Variants in PHF8 observed in about 807,000 individuals in gnomAD.
PHF8 encodes the protein histone lysine demethylase PHF8.
In PHF8, 9 loss-of-function variants were observed where a neutral mutation model predicts 74.4. The ratio of observed to expected loss-of-function variants is 0.12; its 90% CI spans 0.07 to 0.21. PHF8 has a LOEUF of 0.21. Among genes scored for constraint, PHF8 ranks in the 10% least tolerant of loss-of-function variants. The pLI, the probability that PHF8 is intolerant of heterozygous loss-of-function variation, is 1.00. For missense variants in PHF8, 478 were observed against 816.6 expected (o/e 0.59, Z 5.05); for synonymous variants, 311 against 316.6 (o/e 0.98, Z 0.19).
rs1204615971 is a variant in PHF8, at chrX:53,967,230, C to T, written c.2444-4291G>A. Reference sequence around the variant, plus strand: ...CGCCCCTACTGGGAAGTGAGGAGCCCCTCTGCCCGGCCAGCCGCCCCGTCC... The same window carrying T: ...CGCCCCTACTGGGAAGTGAGGAGCCTCTCTGCCCGGCCAGCCGCCCCGTCC... On this transcript the variant is annotated intron_variant, in intron 18 of 21. Coordinates refer to ENST00000338154, the MANE Select transcript of PHF8 (RefSeq NM_015107.3). 3.0e-4 allele frequency among the ~76,000 whole-genome samples: 31 copies of T among 103,685 alleles called. 1 individual carries two copies. Among genetic ancestry groups the T allele is most frequent in the Admixed American group, 2.8e-3 (28 of 9,917 alleles). 90.0% of individuals were successfully genotyped at this position (103,685 alleles called of 115,157 possible).
intron 18 of PHF8, among the ~76,000 whole-genome samples, chrX:53,971,821 G>T (rs1953279519): frequency 9.0e-6 from 1 of 111,401 alleles, no homozygotes; most frequent in African/African-American, 3.3e-5. Context: ...AATGAGTTCA[G>T]AAATTGAGGC....
At chrX:53,990,647 A>T (rs1248031288) in intron 14 of PHF8, among the ~76,000 whole-genome samples, 1 of 110,489 alleles carries the variant, frequency 9.1e-6, no homozygotes, top group Non-Finnish European at 1.9e-5. Flanking sequence ...CCCTACTCTC[A>T]CTCCTTTTTC....
chrX:53,946,245 T>C (rs1240250491), intron 19 of PHF8, among the ~76,000 whole-genome samples: 1 of 112,236 alleles, frequency 8.9e-6, no homozygotes, highest in Non-Finnish European at 1.9e-5. Flanking sequence ...AGAAAAAACT[T>C]ATAATGATGA....
At chrX:53,981,078 G>C (rs1557097832) in intron 18 of PHF8, among the ~76,000 whole-genome samples, 2 of 112,301 alleles carry the variant, frequency 1.8e-5, no homozygotes, top group Non-Finnish European at 3.8e-5. Flanking sequence ...GCCAGGCGTG[G>C]TGGCGTGTGC....
At chrX:54,022,138 G>A in intron 4 of PHF8, 121 bp downstream of exon 4, 1 of 531,599 alleles carries the variant, frequency 1.9e-6, no homozygotes, top group East Asian at 3.3e-5. Flanking sequence ...GCAGAGCCCT[G>A]AAGATACTCA....
At chrX:53,950,166 C>CAG (rs1381783443) in intron 19 of PHF8, among the ~76,000 whole-genome samples, 1 of 111,694 alleles carries the variant, frequency 9.0e-6, no homozygotes, top group African/African-American at 3.3e-5. Context: ...TACCTTACCC[C>CAG]AGCTTAGTGA....
intron 8 of PHF8, 25 bp from the exon 9 acceptor site, chrX:54,002,707 A>G: frequency 9.7e-7 from 1 of 1,031,572 alleles, no homozygotes; most frequent in South Asian, 1.9e-5. Flanking sequence ...GGCAAAATCA[A>G]AGCTGGAAGA....
chrX:53,986,228 GCTACATCGCA>G (rs1422091520), intron 16 of PHF8, among the ~76,000 whole-genome samples: 2 of 112,580 alleles, frequency 1.8e-5, no homozygotes, highest in African/African-American at 6.4e-5. Context: ...TACTCTTTCT[GCTACATCGCA>G]CTGACTTTTT....
intron 4 of PHF8, among the ~76,000 whole-genome samples, chrX:54,018,657 G>C (rs1403407606): frequency 9.7e-6 from 1 of 103,567 alleles, no homozygotes; most frequent in Non-Finnish European, 2.0e-5. Flanking sequence ...TTTTGCTCTT[G>C]TTGCCCAGGC....
chrX:53,981,967 T>C (rs978842013), intron 18 of PHF8, among the ~76,000 whole-genome samples: 1 of 112,208 alleles, frequency 8.9e-6, no homozygotes, highest in African/African-American at 3.2e-5. Flanking sequence ...CCATCTGGAA[T>C]AGAAAAAGCT....
intron 8 of PHF8, among the ~76,000 whole-genome samples, chrX:54,008,024 G>C (rs1439892173): frequency 3.6e-5 from 4 of 112,093 alleles, no homozygotes; most frequent in Admixed American, 1.9e-4. Context: ...ACTGACTAAT[G>C]GATAAACAAA....
chrX:53,944,033 T>A, intron 20 of PHF8, 101 bp downstream of exon 20: 1 of 535,305 alleles, frequency 1.9e-6, no homozygotes, highest in East Asian at 3.5e-5. Context: ...TCAATCCCCA[T>A]TGAGACAAAG....
At chrX:53,992,516 G>A (rs2065682434) in intron 14 of PHF8, among the ~76,000 whole-genome samples, 1 of 111,406 alleles carries the variant, frequency 9.0e-6, no homozygotes, top group Non-Finnish European at 1.9e-5. Flanking sequence ...TCTTTCTCAG[G>A]CTTGCCAATT....
upstream of PHF8, chrX:54,044,868 T>G (rs1557117077): frequency 1.7e-6 from 2 of 1,152,205 alleles, no homozygotes; most frequent in Non-Finnish European, 2.3e-6. Flanking sequence ...AGAGGCGGAG[T>G]ACTCACCGCG....
intron 19 of PHF8, among the ~76,000 whole-genome samples, chrX:53,953,643 CAA>C (rs1208325871): frequency 2.0e-4 from 8 of 39,355 alleles, no homozygotes; most frequent in Admixed American, 3.1e-4. Flanking sequence ...CACTCTGTCT[CAA>C]AAAAAAAAAA....
intron 18 of PHF8, among the ~76,000 whole-genome samples, chrX:53,966,384 G>A (rs1174776050): frequency 8.9e-6 from 1 of 112,599 alleles, no homozygotes; most frequent in Non-Finnish European, 1.9e-5. Context: ...GGCGCGTGCC[G>A]CCACGCCTGA....
At chrX:53,961,156 G>A (rs782243644) in intron 19 of PHF8, among the ~76,000 whole-genome samples, 1 of 108,547 alleles carries the variant, frequency 9.2e-6, no homozygotes, top group Non-Finnish European at 1.9e-5. Context: ...TCGAGTAGCT[G>A]GGACTAAACG....
At chrX:54,000,915 A>C (rs189827485) in intron 10 of PHF8, among the ~76,000 whole-genome samples, 1 of 113,324 alleles carries the variant, frequency 8.8e-6, no homozygotes. Flanking sequence ...CAATATTTTC[A>C]GTCACACTTG....
At chrX:54,031,064 T>C (rs1317434058) in intron 2 of PHF8, among the ~76,000 whole-genome samples, 1 of 112,203 alleles carries the variant, frequency 8.9e-6, no homozygotes, top group African/African-American at 3.2e-5. Flanking sequence ...AAGTAAATTG[T>C]TGGCAATTAC....
Sources: gnomAD v4.1 joint callset for allele counts (sites outside exome capture counted in the v4.1 genomes callset) on GRCh38, gnomAD v4.1.1 for gene constraint, MANE v1.5 for transcripts, NCBI Gene and HGNC (gene_info 2026-07-23, HGNC 2026-07-21) for gene names.